The following MYH7B variants were observed in gnomAD, a reference collection of about 807,000 sequenced individuals.
MYH7B encodes myosin-7B.
MYH7B carries 205 observed loss-of-function variants against 234.5 expected under a neutral mutation model. That is an observed-to-expected ratio of 0.87 (90% CI 0.78 to 0.98). The LOEUF is 0.98. MYH7B is among the 50% of genes least tolerant of loss of function. MYH7B has a pLI of 0.00. For synonymous variants in MYH7B, 1,193 were observed against 1,105.0 expected (o/e 1.08, Z -1.58); for missense variants, 2,652 against 2,633.4 (o/e 1.01, Z -0.15).
At chr20:34,995,463 T>C (rs774909296) in exon 28 of MYH7B, 3 of 1,613,828 alleles carry the variant, frequency 1.9e-6, no homozygotes, top group East Asian at 2.2e-5. Flanking sequence ...AACGCTGACC[T>C]GGCCGCCCGC....
intron 10 of MYH7B, 135 bp downstream of exon 10, chr20:34,982,690 C>T: frequency 2.6e-6 from 2 of 757,966 alleles, no homozygotes; most frequent in East Asian, 2.9e-5. Context: ...GAGCCTCCCA[C>T]CCTGGTGGGG....
At chr20:35,000,485 G>GGAGGAGCAGGCAGGGCGGGAC (rs1437788148) in exon 39 of MYH7B, 4 of 1,600,798 alleles carry the variant, frequency 2.5e-6, no homozygotes, top group African/African-American at 1.3e-5. Context: ...CACAGCTCAA[G>GGAGGAGCAGGCAGGGCGGGAC]GAGGAGCAGG....
chr20:34,999,750 T>TCACCC, intron 37 of MYH7B, 41 bp from the exon 38 acceptor site: 1 of 1,320,534 alleles, frequency 7.6e-7, no homozygotes, highest in South Asian at 1.4e-5. Flanking sequence ...CCACTGGCCA[T>TCACCC]CCCCCCCCCC....
intron 6 of MYH7B, 34 bp from the exon 7 acceptor site, chr20:34,979,627 G>A (rs754471265): frequency 3.5e-5 from 56 of 1,613,216 alleles, no homozygotes; most frequent in South Asian, 4.4e-5. Context: ...GGTTCCTCCC[G>A]GTCCCCCGGC....
In MYH7B at chr20:34,995,589, G is replaced by A. The variant is rs1039593660; in HGVS notation, c.2943+11G>A. ...GCCACTGAGAACAAGGTGTGGGCCG[G>A]GCCAGCTGTGGGGAAGGGCCCTGAG... On this transcript the variant is annotated intron_variant, in intron 28 of 44. Transcript: ENST00000262873. 6.2e-7 allele frequency: 1 copy of A among 1,613,184 alleles called. No individual in the cohort carries two copies. The highest frequency in any genetic ancestry group is 8.5e-7 in the Non-Finnish European group (1 of 1,179,708).
chr20:34,999,750 T>TTCCCCCCCCC, intron 37 of MYH7B, 41 bp from the exon 38 acceptor site: 1 of 1,320,532 alleles, frequency 7.6e-7, no homozygotes. Flanking sequence ...CCACTGGCCA[T>TTCCCCCCCCC]CCCCCCCCCC....
intron 2 of MYH7B, among the ~76,000 whole-genome samples, chr20:34,966,510 A>ACAC (rs2081743226): frequency 6.6e-6 from 1 of 152,078 alleles, no homozygotes; most frequent in South Asian, 2.1e-4. Flanking sequence ...TATAAGGGCA[A>ACAC]CACCTTTTTA....
At chr20:34,992,723 C>T (rs901785247) in intron 24 of MYH7B, among the ~76,000 whole-genome samples, 2 of 152,028 alleles carry the variant, frequency 1.3e-5, no homozygotes, top group Non-Finnish European at 2.9e-5. Flanking sequence ...GCGCCCGCCA[C>T]CATGCCCCAC....
rs751022363 is a variant in MYH7B at position 34,987,753 on chromosome 20, C to T, written c.1267-12C>T. 2 of 1,614,132 alleles carry T rather than the reference C, an allele frequency of 1.2e-6. No homozygotes were observed. The highest frequency in any genetic ancestry group is 1.7e-6 in the Non-Finnish European group (2 of 1,179,982). On this transcript the variant is annotated splice_polypyrimidine_tract_variant and intron_variant, in intron 17 of 44. Coordinates refer to ENST00000262873, the Ensembl canonical transcript of MYH7B. ...CTTGCCAGGTCCCAGCCCAGCCTCCCTGCACCTCCAGGTGGTGTTTGCTGT... is the reference window on the plus strand; with the variant it reads ...CTTGCCAGGTCCCAGCCCAGCCTCCTTGCACCTCCAGGTGGTGTTTGCTGT...
rs1454332943 is a variant in MYH7B at position 35,000,980 on chromosome 20, C to A, written c.5305-8C>A. 6.2e-7 allele frequency: 1 copy of A among 1,613,588 alleles called. No homozygotes were observed. Among genetic ancestry groups the A allele is most frequent in the South Asian group, 1.1e-5 (1 of 91,058 alleles). On this transcript the variant is annotated splice_region_variant and splice_polypyrimidine_tract_variant and intron_variant, in intron 40 of 44. Transcript: ENST00000262873. Reference sequence around the variant, plus strand: ...CTGGGCACCTGACCAGCTCCTCCTCCCCAACAGGCGGCCATGATGGCCGAG... The same window carrying A: ...CTGGGCACCTGACCAGCTCCTCCTCACCAACAGGCGGCCATGATGGCCGAG...
chr20:35,002,184 A>C (rs1368546123), exon 45 of MYH7B: 1 of 1,546,114 alleles, frequency 6.5e-7, no homozygotes, highest in African/African-American at 1.4e-5. Context: ...CAGCACAAGG[A>C]GTGACGGCCT....
At chr20:35,001,386 G>A in intron 42 of MYH7B, 37 bp downstream of exon 42, 2 of 1,595,498 alleles carry the variant, frequency 1.3e-6, no homozygotes, top group Non-Finnish European at 1.7e-6. Context: ...TGGCCCTGGA[G>A]CTGGCCCAGC....
chr20:34,994,377 T>C (rs1010772190), exon 27 of MYH7B: 3 of 1,591,152 alleles, frequency 1.9e-6, no homozygotes, highest in Non-Finnish European at 2.6e-6. Context: ...AGGAGAAGAA[T>C]GACCTGGCCC....
At chr20:34,986,813 A>C in intron 14 of MYH7B, 73 bp from the exon 15 acceptor site, 2 of 1,262,682 alleles carry the variant, frequency 1.6e-6, no homozygotes, top group Non-Finnish European at 2.3e-6. Context: ...AGGACCCCCT[A>C]TGCTGCAATT....
chr20:34,997,114 C>T lies in MYH7B; in HGVS notation c.3298C>T (p.Arg1100Trp), dbSNP rs565017052. 7 of 1,545,408 alleles carry T rather than the reference C, an allele frequency of 4.5e-6. No homozygotes were observed. The South Asian group carries it at 6.0e-5, about 13-fold the overall frequency. Residue 1100 changes from arginine (R) to tryptophan (W), a missense_variant, in exon 31 of 45, where the codon CGG (arginine) becomes TGG (tryptophan). Physicochemically the swap from Arg to Trp is moderately radical, Grantham distance 101. This residue lies in a region of MYH7B where 2,279 missense variants were observed against 2,211.4 expected (regional missense o/e 1.03). Coordinates refer to ENST00000262873, the Ensembl canonical transcript of MYH7B. ...CTCCGAGCTGAGCCAGCTGAGCCTG[C>T]GGGTGGAAGACGAGCAGCTCTTGGG... is the stretch of plus-strand genomic sequence containing the variant.
Position 34,988,382 on chromosome 20 carries a change from G to A in MYH7B, c.1587+120G>A, listed in dbSNP as rs542621596. On this transcript the variant is annotated intron_variant, in intron 19 of 44. Coordinates refer to ENST00000262873, the Ensembl canonical transcript of MYH7B. ...TGTGCATGGAAGCGTGTGACTGTGC[G>A]TTGCAGTAAGCATGCATGTGAGTGT... 1,196 of 1,133,048 alleles carry A rather than the reference G, an allele frequency of 1.1e-3. 13 individuals are homozygous for A. In the South Asian group the frequency reaches 0.013, roughly 12 times the overall value. 70.2% of individuals were successfully genotyped at this position (1,133,048 alleles called of 1,614,324 possible).
chr20:34,969,590 G>T (rs2081774428), intron 2 of MYH7B, among the ~76,000 whole-genome samples: 1 of 147,952 alleles, frequency 6.8e-6, no homozygotes, highest in African/African-American at 2.5e-5. Context: ...TGTCGCCCAG[G>T]CTGGAGTGCA....
In MYH7B at chr20:34,997,232, C is replaced by T; in HGVS notation, c.3358-19C>T. 1.3e-6 allele frequency: 2 copies of T among 1,556,324 alleles called. No homozygotes were observed. The highest frequency in any genetic ancestry group is 1.2e-5 in the South Asian group (1 of 84,442). ...CAGAGGCCCACAGAGGTGACAGCTGCCCCACGTGCCCACCCCAGGCTCGGG... is the reference window on the plus strand; with the variant it reads ...CAGAGGCCCACAGAGGTGACAGCTGTCCCACGTGCCCACCCCAGGCTCGGG... On this transcript the variant is annotated intron_variant, in intron 31 of 44. Transcript: ENST00000262873.
intron 38 of MYH7B, 124 bp from the exon 39 acceptor site, chr20:35,000,169 C>T: frequency 8.0e-7 from 1 of 1,243,616 alleles, no homozygotes; most frequent in East Asian, 2.3e-5. Context: ...TCACAAGAGA[C>T]TTTAAATCGG....
Sources: gnomAD v4.1 joint callset for allele counts (sites outside exome capture counted in the v4.1 genomes callset) on GRCh38, gnomAD v4.1.1 for gene constraint, gnomAD v4.1.1 regional missense constraint, MANE v1.5 for transcripts, NCBI Gene and HGNC (gene_info 2026-07-23, HGNC 2026-07-21) for gene names.